Variants in GRM3 observed in about 807,000 individuals in gnomAD.
The protein encoded by GRM3 is metabotropic glutamate receptor 3.
Under a neutral mutation model 70.5 loss-of-function variants are expected in GRM3, and 26 were observed. That is an observed-to-expected ratio of 0.37 (90% CI 0.27 to 0.51). The LOEUF (loss-of-function observed/expected upper bound fraction) is 0.51. Among genes scored for constraint, GRM3 ranks in the 20% least tolerant of loss-of-function variants. GRM3 has a pLI of 0.93. For synonymous variants in GRM3, 443 were observed against 434.9 expected (o/e 1.02, Z -0.23); for missense variants, 859 against 1,123.8 (o/e 0.76, Z 3.37).
intron 1 of GRM3, among the ~76,000 whole-genome samples, chr7:86,687,900 T>C (rs1053338849): frequency 2.0e-5 from 3 of 151,630 alleles, no homozygotes; most frequent in African/African-American, 7.3e-5. Context: ...AAATATAAAA[T>C]TAAAATCTAA....
At chr7:86,766,013 T>C (rs1485371808) in intron 2 of GRM3, among the ~76,000 whole-genome samples, 1 of 152,138 alleles carries the variant, frequency 6.6e-6, no homozygotes, top group Non-Finnish European at 1.5e-5. Context: ...CTCTGAGTGA[T>C]GGCAGAGGTG....
intron 1 of GRM3, among the ~76,000 whole-genome samples, chr7:86,731,055 G>A (rs1795723666): frequency 6.6e-6 from 1 of 152,016 alleles, no homozygotes; most frequent in South Asian, 2.1e-4. Context: ...TCTGTAAAAT[G>A]CCACCTTTCT....
intron 3 of GRM3, among the ~76,000 whole-genome samples, chr7:86,795,319 T>TTTTATTTTATTTTATTTTATTTTATTTTA: frequency 6.6e-6 from 1 of 150,662 alleles, no homozygotes; most frequent in Non-Finnish European, 1.5e-5. Flanking sequence ...TTTTATTTTA[T>TTTTATTTTATTTTATTTTATTTTATTTTA]GTTCCAGGAT....
At chr7:86,647,898 G>A (rs1291335506) in intron 1 of GRM3, among the ~76,000 whole-genome samples, 1 of 152,156 alleles carries the variant, frequency 6.6e-6, no homozygotes, top group Non-Finnish European at 1.5e-5. Context: ...TTCTTCCAGA[G>A]TCTTTGAAAG....
At chr7:86,783,081 A>G (rs1797117731) in intron 2 of GRM3, among the ~76,000 whole-genome samples, 1 of 152,292 alleles carries the variant, frequency 6.6e-6, no homozygotes, top group South Asian at 2.1e-4. Context: ...AAAGTAAGTC[A>G]AGAATATTCC....
intron 1 of GRM3, among the ~76,000 whole-genome samples, chr7:86,674,207 A>C (rs1253822690): frequency 1.3e-5 from 2 of 152,002 alleles, no homozygotes; most frequent in Non-Finnish European, 2.9e-5. Context: ...TGTCATCTGG[A>C]GGCTTGACCA....
chr7:86,801,826 A>T (rs1797689410), intron 3 of GRM3, among the ~76,000 whole-genome samples: 1 of 152,224 alleles, frequency 6.6e-6, no homozygotes, highest in African/African-American at 2.4e-5. Context: ...TTTCATTAAC[A>T]AATTCAGAAT....
chr7:86,723,977 T>C (rs897229996), intron 1 of GRM3, among the ~76,000 whole-genome samples: 6 of 152,174 alleles, frequency 3.9e-5, no homozygotes, highest in Non-Finnish European at 7.4e-5. Context: ...TGCAGGCTCA[T>C]TAACTATAAA....
intron 1 of GRM3, among the ~76,000 whole-genome samples, chr7:86,674,730 C>T (rs1220661381): frequency 6.6e-6 from 1 of 151,950 alleles, no homozygotes; most frequent in Non-Finnish European, 1.5e-5. Context: ...ACTTTAAGTC[C>T]CCATTACTCC....
chr7:86,835,260 C>A (rs575665340), intron 3 of GRM3, among the ~76,000 whole-genome samples: 1 of 151,448 alleles, frequency 6.6e-6, no homozygotes, highest in Non-Finnish European at 1.5e-5. Context: ...AAAAGGTGTA[C>A]GATATTTTAT....
chr7:86,704,131 A>G (rs764431803), intron 1 of GRM3, among the ~76,000 whole-genome samples: 24 of 151,924 alleles, frequency 1.6e-4, no homozygotes, highest in Non-Finnish European at 2.9e-4. Context: ...AGCCTCATTT[A>G]AATAGTACAA....
chr7:86,810,068 C>G (rs564104929), intron 3 of GRM3, among the ~76,000 whole-genome samples: 41 of 152,106 alleles, frequency 2.7e-4, no homozygotes, highest in African/African-American at 9.4e-4. Flanking sequence ...GTAGTAAACT[C>G]TAATGATCCT....
chr7:86,710,322 T>C (rs1318575646), intron 1 of GRM3: 40 of 151,958 alleles, frequency 2.6e-4, no homozygotes, highest in Non-Finnish European at 1.5e-5. Context: ...TATGCTCTCT[T>C]CTGCCATTCT....
At chr7:86,860,113 G>A (rs1008546786) in intron 5 of GRM3, among the ~76,000 whole-genome samples, 7 of 152,118 alleles carry the variant, frequency 4.6e-5, no homozygotes, top group African/African-American at 1.7e-4. Context: ...TGCCTCTTAT[G>A]TCTAGTAGAA....
At chr7:86,804,950 A>G (rs1797757845) in intron 3 of GRM3, among the ~76,000 whole-genome samples, 1 of 152,066 alleles carries the variant, frequency 6.6e-6, no homozygotes, top group African/African-American at 2.4e-5. Context: ...CAACTCTACA[A>G]ATTTTTTTTC....
chr7:86,794,997 AG>A (rs1237133400), intron 3 of GRM3, among the ~76,000 whole-genome samples: 1 of 152,120 alleles, frequency 6.6e-6, no homozygotes, highest in African/African-American at 2.4e-5. Flanking sequence ...TGCTGGACCA[AG>A]TATGATTAGA....
intron 3 of GRM3, among the ~76,000 whole-genome samples, chr7:86,810,729 A>G (rs1403184240): frequency 6.6e-6 from 1 of 151,956 alleles, no homozygotes; most frequent in Non-Finnish European, 1.5e-5. Context: ...TGTATTGACT[A>G]GCAAGTCACT....
intron 1 of GRM3, among the ~76,000 whole-genome samples, chr7:86,687,416 T>C (rs1437091739): frequency 6.6e-6 from 1 of 151,948 alleles, no homozygotes; most frequent in Non-Finnish European, 1.5e-5. Context: ...TAATTTTGAC[T>C]ACCAATTCTT....
intron 1 of GRM3, among the ~76,000 whole-genome samples, chr7:86,646,013 GGGTGGGA>G (rs1562811309): frequency 1.2e-3 from 84 of 69,972 alleles, no homozygotes; most frequent in South Asian, 1.8e-3. Context: ...GGGTGGGGGG[GGGTGGGA>G]GGGAGTTTAG....
Sources: gnomAD v4.1 joint callset for allele counts (sites outside exome capture counted in the v4.1 genomes callset) on GRCh38, gnomAD v4.1.1 for gene constraint, MANE v1.5 for transcripts, NCBI Gene and HGNC (gene_info 2026-07-23, HGNC 2026-07-21) for gene names.